Variants in XKR9 observed in about 807,000 individuals in gnomAD.
XKR9 encodes XK-related protein 9.
A neutral mutation model predicts 32.0 loss-of-function variants in XKR9; 32 were observed. That is an observed-to-expected ratio of 1.00 (90% CI 0.76 to 1.34). The LOEUF (loss-of-function observed/expected upper bound fraction) is 1.34, where lower values mean the gene tolerates loss of function less well. XKR9 is among the 40% of genes most tolerant of loss of function. The pLI is 0.00. For synonymous variants in XKR9, 168 were observed against 143.4 expected, an observed-to-expected ratio of 1.17 and a Z score of -1.22; for missense variants, 546 against 429.7, an observed-to-expected ratio of 1.27 and a Z score of -2.39.
At chr8:70,822,427 C>T in the XKR9 span, among the ~76,000 whole-genome samples, 3 of 151,676 alleles carry the variant, frequency 2.0e-5, no homozygotes, top group Non-Finnish European at 2.9e-5. Flanking sequence ...GTGAGTAATA[C>T]ATGTGGTCAA....
intron 2 of XKR9, among the ~76,000 whole-genome samples, chr8:70,758,724 T>C (rs1807264671): frequency 1.3e-5 from 2 of 152,358 alleles, no homozygotes; most frequent in South Asian, 4.1e-4. Context: ...GATGACATAA[T>C]TTCTTTGATT....
chr8:70,999,030 A>C, the XKR9 span, among the ~76,000 whole-genome samples: 2 of 152,084 alleles, frequency 1.3e-5, no homozygotes, highest in Admixed American at 1.3e-4. Flanking sequence ...TGGAGGGCTG[A>C]CTGTAGTATA....
At chr8:70,850,665 A>T in the XKR9 span, among the ~76,000 whole-genome samples, 9 of 152,184 alleles carry the variant, frequency 5.9e-5, no homozygotes, top group Non-Finnish European at 1.0e-4. Flanking sequence ...TCCATTACAT[A>T]AACAGAATCA....
intron 1 of XKR9, among the ~76,000 whole-genome samples, chr8:70,673,764 C>CAAAAAAA (rs372111324): frequency 7.6e-6 from 1 of 130,804 alleles, no homozygotes. Context: ...GACTCCATGT[C>CAAAAAAA]AAAAAAAAAA....
chr8:70,759,850 G>A (rs756890031), intron 2 of XKR9, among the ~76,000 whole-genome samples: 30 of 152,082 alleles, frequency 2.0e-4, no homozygotes, highest in Non-Finnish European at 3.7e-4. Flanking sequence ...ATATAAAAGA[G>A]CACTTAACTT....
At chr8:70,700,766 T>C (rs1805495339) in intron 3 of XKR9, among the ~76,000 whole-genome samples, 1 of 152,214 alleles carries the variant, frequency 6.6e-6, no homozygotes, top group Admixed American at 6.5e-5. Flanking sequence ...TCTTTTTGTT[T>C]GTCTGTGCCC....
At chr8:71,061,639 A>G in the XKR9 span, among the ~76,000 whole-genome samples, 1 of 152,220 alleles carries the variant, frequency 6.6e-6, no homozygotes, top group Non-Finnish European at 1.5e-5. Flanking sequence ...TTAGACAGAC[A>G]GAGAGAGAAA....
the XKR9 span, among the ~76,000 whole-genome samples, chr8:71,050,304 G>GATATAT: frequency 5.3e-5 from 7 of 131,708 alleles, no homozygotes; most frequent in African/African-American, 2.2e-4. Flanking sequence ...TATATATATA[G>GATATAT]ATATAGATAT....
At chr8:70,675,537 A>G (rs929071643) in intron 2 of XKR9, among the ~76,000 whole-genome samples, 2 of 152,168 alleles carry the variant, frequency 1.3e-5, no homozygotes, top group African/African-American at 2.4e-5. Context: ...TCAAATTTTC[A>G]GTCATTTTCT....
At chr8:71,029,750 G>A in the XKR9 span, among the ~76,000 whole-genome samples, 3 of 151,564 alleles carry the variant, frequency 2.0e-5, no homozygotes, top group African/African-American at 7.3e-5. Context: ...CTAAAAGTCT[G>A]TTGTATCATG....
At chr8:70,972,931 C>T in the XKR9 span, among the ~76,000 whole-genome samples, 5 of 151,800 alleles carry the variant, frequency 3.3e-5, no homozygotes, top group South Asian at 2.1e-4. Flanking sequence ...TTTTCTTTTG[C>T]GTGTTATGTC....
chr8:70,723,333 G>A (rs1330325166), intron 4 of XKR9, among the ~76,000 whole-genome samples: 1 of 152,042 alleles, frequency 6.6e-6, no homozygotes, highest in Non-Finnish European at 1.5e-5. Flanking sequence ...TCTCTGTCCT[G>A]TTTTGTGCCC....
chr8:70,724,061 C>G (rs556692676), intron 4 of XKR9, among the ~76,000 whole-genome samples: 2 of 152,158 alleles, frequency 1.3e-5, no homozygotes, highest in South Asian at 2.1e-4. Context: ...GGGCTGCTGC[C>G]TTTTCTTCGG....
intron 2 of XKR9, among the ~76,000 whole-genome samples, chr8:70,741,352 C>T (rs969994621): frequency 1.3e-5 from 2 of 152,202 alleles, no homozygotes; most frequent in East Asian, 3.9e-4. Flanking sequence ...AGCAAAGAGG[C>T]CCTCATCAGA....
chr8:70,753,054 T>A (rs893800335), intron 2 of XKR9, among the ~76,000 whole-genome samples: 4 of 152,072 alleles, frequency 2.6e-5, no homozygotes, highest in African/African-American at 7.2e-5. Flanking sequence ...AAGAATCAAA[T>A]AGACGCAATA....
the XKR9 span, among the ~76,000 whole-genome samples, chr8:70,947,978 G>T: frequency 3.9e-5 from 6 of 152,302 alleles, no homozygotes; most frequent in Non-Finnish European, 7.3e-5. Context: ...GTTAATTGCT[G>T]TCTACTTGGG....
the XKR9 span, among the ~76,000 whole-genome samples, chr8:71,001,681 G>C: frequency 6.6e-6 from 1 of 152,132 alleles, no homozygotes; most frequent in Non-Finnish European, 1.5e-5. Context: ...CTGTACTAGG[G>C]ATGAGGATAC....
chr8:70,749,839 T>A (rs545086000), intron 2 of XKR9, among the ~76,000 whole-genome samples: 4 of 152,374 alleles, frequency 2.6e-5, no homozygotes, highest in African/African-American at 9.6e-5. Context: ...GTAGGTTTAA[T>A]CCTTTTGCAT....
the XKR9 span, among the ~76,000 whole-genome samples, chr8:71,028,255 T>C: frequency 1.3e-5 from 2 of 152,202 alleles, no homozygotes; most frequent in Non-Finnish European, 2.9e-5. Flanking sequence ...TGATTTATAG[T>C]TTTTAGTATA....
Sources: gnomAD v4.1 joint callset for allele counts (sites outside exome capture counted in the v4.1 genomes callset) on GRCh38, gnomAD v4.1.1 for gene constraint, MANE v1.5 for transcripts, NCBI Gene and HGNC (gene_info 2026-07-23, HGNC 2026-07-21) for gene names.